WDR93: variants seen among roughly 807,000 people sequenced by gnomAD.
WDR93 encodes the protein WD repeat-containing protein 93.
Under a neutral mutation model 82.9 loss-of-function variants are expected in WDR93, and 73 were observed. The ratio of observed to expected loss-of-function variants is 0.88; its 90% CI spans 0.73 to 1.07. WDR93 has a LOEUF of 1.07. WDR93 is among the 50% of genes least tolerant of loss of function. The pLI is 0.00. For synonymous variants in WDR93, 283 were observed against 300.1 expected, an observed-to-expected ratio of 0.94 and a Z score of 0.59; for missense variants, 738 against 826.0, an observed-to-expected ratio of 0.89 and a Z score of 1.31.
intron 4 of WDR93, among the ~76,000 whole-genome samples, chr15:89,706,703 TG>T (rs1190520586): frequency 3.3e-5 from 5 of 152,102 alleles, no homozygotes; most frequent in Non-Finnish European, 7.4e-5. Context: ...TTTGCTACCT[TG>T]GGGCAGGCAG....
intron 13 of WDR93, 105 bp from the exon 14 acceptor site, chr15:89,735,384 AT>A: frequency 8.4e-7 from 1 of 1,191,060 alleles, no homozygotes; most frequent in Non-Finnish European, 1.2e-6. Flanking sequence ...CTCCTCACAT[AT>A]TTCTTGATTT....
Position 89,731,456 on chromosome 15 carries a change from G to C in WDR93, c.1224G>C (p.Val408=), listed in dbSNP as rs1478465454. 1 of 1,614,188 alleles carries C rather than the reference G, an allele frequency of 6.2e-7. No homozygotes were observed. The highest frequency in any genetic ancestry group is 8.5e-7 in the Non-Finnish European group (1 of 1,180,012). ...TLKDKADPEG[V]WPCAAPIAVS... The stretch of plus-strand genomic sequence containing the variant: ...CCTTCCCCCTAGACCCCGAGGGTGT[G>C]TGGCCCTGTGCTGCGCCCATTGCAG... The change falls in exon 12 of 17, where the codon GTG becomes GTC. Residue 408 remains valine (V), a synonymous_variant. Coordinates refer to ENST00000268130, the MANE Select transcript of WDR93 (RefSeq NM_020212.2).
intron 4 of WDR93, among the ~76,000 whole-genome samples, chr15:89,711,453 G>C (rs1247632920): frequency 6.6e-6 from 1 of 151,236 alleles, no homozygotes; most frequent in East Asian, 1.9e-4. Flanking sequence ...TTGCAAGCCA[G>C]GAGTTCAAGA....
intron 16 of WDR93, among the ~76,000 whole-genome samples, chr15:89,742,891 T>C (rs1399648305): frequency 6.6e-6 from 1 of 152,246 alleles, no homozygotes; most frequent in Non-Finnish European, 1.5e-5. Context: ...GTTGGAATCA[T>C]ACAGTGTGTC....
At chr15:89,723,501 C>G (rs1220588808) in intron 8 of WDR93, among the ~76,000 whole-genome samples, 1 of 151,984 alleles carries the variant, frequency 6.6e-6, no homozygotes, top group Non-Finnish European at 1.5e-5. Context: ...ACAATTTTCT[C>G]TTGTAAAAGA....
At chr15:89,718,238 G>A (rs1966348340) in intron 7 of WDR93, among the ~76,000 whole-genome samples, 1 of 152,178 alleles carries the variant, frequency 6.6e-6, no homozygotes, top group South Asian at 2.1e-4. Context: ...CACTTTGGGA[G>A]GCCGAGACAG....
At chr15:89,700,239 A>C (rs1416667214) in intron 1 of WDR93, among the ~76,000 whole-genome samples, 1 of 152,146 alleles carries the variant, frequency 6.6e-6, no homozygotes, top group East Asian at 1.9e-4. Flanking sequence ...TTGCTGGTGG[A>C]AACAGGCATT....
chr15:89,708,778 A>G (rs377475950), intron 4 of WDR93, among the ~76,000 whole-genome samples: 6 of 152,240 alleles, frequency 3.9e-5, no homozygotes, highest in African/African-American at 1.2e-4. Flanking sequence ...CAAGGCAAGT[A>G]GATCTGCAGC....
chr15:89,703,398 G>A, intron 3 of WDR93: 1 of 513,954 alleles, frequency 1.9e-6, no homozygotes, highest in Non-Finnish European at 3.5e-6. Flanking sequence ...AGAGGCAACT[G>A]ACTTATGGAA....
At chr15:89,692,444 T>C (rs891753657) in intron 1 of WDR93, among the ~76,000 whole-genome samples, 1 of 152,140 alleles carries the variant, frequency 6.6e-6, no homozygotes, top group Non-Finnish European at 1.5e-5. Context: ...CTGCAAGCAA[T>C]GAGAATTTAT....
In WDR93 at chr15:89,743,448, C is replaced by T. The variant is rs146296299; in HGVS notation, c.*57C>T. ...AGGTTTCAGCCACGAGGCAGCTGCTCCCAGGACACTGAGGCCAAGAGAAAT... is the reference window on the plus strand; with the variant it reads ...AGGTTTCAGCCACGAGGCAGCTGCTTCCAGGACACTGAGGCCAAGAGAAAT... On this transcript the variant is annotated 3_prime_UTR_variant, in exon 17 of 17. Coordinates refer to ENST00000268130, the MANE Select transcript of WDR93 (RefSeq NM_020212.2). 0.021 allele frequency: 32,022 copies of T among 1,543,616 alleles called. 472 individuals carry two copies. The highest frequency in any genetic ancestry group is 0.022 in the Non-Finnish European group (24,791 of 1,119,552).
chr15:89,724,368 T>C (rs1018086933), intron 8 of WDR93, among the ~76,000 whole-genome samples: 1 of 152,076 alleles, frequency 6.6e-6, no homozygotes, highest in East Asian at 1.9e-4. Context: ...AAGAAAATAA[T>C]ATAAACAATA....
rs544640912 is a variant in WDR93 at position 89,716,782 on chromosome 15, C to T, written c.757-129C>T. On this transcript the variant is annotated intron_variant, in intron 6 of 16. Transcript: ENST00000268130. The stretch of plus-strand genomic sequence containing the variant: ...CCAGAGGCCCACACAAATACTGGCC[C>T]TCCACATCTGTTGCATGAATTCACT... 1.1e-4 allele frequency: 73 copies of T among 691,014 alleles called. 1 individual carries two copies. In the South Asian group the frequency reaches 1.4e-3, roughly 13 times the overall value. The allele number at this position is 691,014 out of a possible 1,614,324, so 42.8% of individuals were successfully genotyped here. A position where few individuals can be genotyped will look rare whatever the true frequency, so the allele number is the denominator to read the frequency against.
chr15:89,714,892 C>T (rs1035640694), intron 5 of WDR93, 88 bp from the exon 6 acceptor site: 44 of 1,102,934 alleles, frequency 4.0e-5, no homozygotes, highest in Non-Finnish European at 3.0e-5. Flanking sequence ...TCTTTGCCAG[C>T]AGTTCTAAGA....
chr15:89,708,008 AATTAT>A (rs1439528574), intron 4 of WDR93, among the ~76,000 whole-genome samples: 5 of 152,248 alleles, frequency 3.3e-5, no homozygotes, highest in African/African-American at 1.2e-4. Flanking sequence ...ATTTCAAAAT[AATTAT>A]GTTAAGTGAA....
At chr15:89,703,223 T>C in intron 3 of WDR93, 81 bp downstream of exon 3, 3 of 1,502,658 alleles carry the variant, frequency 2.0e-6, no homozygotes, top group African/African-American at 1.4e-5. Flanking sequence ...TTTGAGGTAT[T>C]GGTGGGGCCA....
chr15:89,694,359 C>T (rs967683316), intron 1 of WDR93, among the ~76,000 whole-genome samples: 6 of 151,682 alleles, frequency 4.0e-5, no homozygotes, highest in East Asian at 3.9e-4. Context: ...CTCAGCCCCC[C>T]GAGTAGCTGG....
chr15:89,693,303 C>T (rs922301842), intron 1 of WDR93, among the ~76,000 whole-genome samples: 7 of 152,190 alleles, frequency 4.6e-5, no homozygotes, highest in Non-Finnish European at 1.0e-4. Flanking sequence ...AGTGGCTATC[C>T]TATTTTGTAT....
chr15:89,717,353 C>T (rs960403737), intron 7 of WDR93, among the ~76,000 whole-genome samples: 1 of 152,204 alleles, frequency 6.6e-6, no homozygotes, highest in South Asian at 2.1e-4. Context: ...AGTCACCACA[C>T]TGGGCCCAAG....
Sources: allele counts gnomAD v4.1 joint callset (sites outside exome capture counted in the v4.1 genomes callset), GRCh38; gene constraint gnomAD v4.1.1; transcripts MANE v1.5; gene names NCBI Gene and HGNC (gene_info 2026-07-23, HGNC 2026-07-21).